Variants in SORCS3 observed in about 807,000 individuals in gnomAD.
SORCS3 encodes sortilin related VPS10 domain containing receptor 3.
In SORCS3, 57 loss-of-function variants were observed where a neutral mutation model predicts 146.3. That is an observed-to-expected ratio of 0.39 (90% CI 0.31 to 0.49). The LOEUF is 0.49. Ranked by LOEUF, SORCS3 falls within the 20% of genes least tolerant of loss-of-function variation. The probability of loss-of-function intolerance (pLI) is 0.92; values close to 1 mark genes in which losing one functional copy is unlikely to be tolerated. For missense variants in SORCS3, 1,341 were observed against 1,575.5 expected (o/e 0.85, Z 2.52); for synonymous variants, 653 against 618.5 (o/e 1.06, Z -0.83).
chr10:104,657,638 C>T (rs1213517384), intron 1 of SORCS3, among the ~76,000 whole-genome samples: 1 of 152,208 alleles, frequency 6.6e-6, no homozygotes, highest in African/African-American at 2.4e-5. Context: ...CCTTCTCACT[C>T]TCCTTCTGGC....
At chr10:105,182,228 A>ATTTTTT (rs1306740780) in intron 14 of SORCS3, among the ~76,000 whole-genome samples, 3 of 69,348 alleles carry the variant, frequency 4.3e-5, no homozygotes, top group Non-Finnish European at 5.8e-5. Context: ...ACTATTCAGC[A>ATTTTTT]TCTTTTTTTT....
chr10:104,913,766 CTTT>C (rs35484660), intron 2 of SORCS3, among the ~76,000 whole-genome samples: 3 of 106,452 alleles, frequency 2.8e-5, no homozygotes, highest in Admixed American at 1.0e-4. Context: ...TATCCCCATT[CTTT>C]TTTTTTTTTT....
At chr10:104,822,513 T>C (rs1054286273) in intron 1 of SORCS3, among the ~76,000 whole-genome samples, 1 of 152,216 alleles carries the variant, frequency 6.6e-6, no homozygotes, top group Non-Finnish European at 1.5e-5. Context: ...GAGAGGGCTC[T>C]TAATCATCCA....
At chr10:105,123,035 AG>A (rs2133766545) in intron 7 of SORCS3, among the ~76,000 whole-genome samples, 1 of 152,380 alleles carries the variant, frequency 6.6e-6, no homozygotes, top group African/African-American at 2.4e-5. Context: ...ATTACATTAA[AG>A]AAGGGCTTCC....
intron 4 of SORCS3, among the ~76,000 whole-genome samples, chr10:105,029,848 AC>A (rs2055252984): frequency 6.6e-6 from 1 of 152,210 alleles, no homozygotes; most frequent in Non-Finnish European, 1.5e-5. Flanking sequence ...AATTACCTGA[AC>A]AGAGTTTCTC....
rs928342351 is a variant in SORCS3 at position 105,057,723 on chromosome 10, G to A, written c.1028+14595G>A. ...TAGCCTGTTTTGTTCTCAAAGAGAT[G>A]CCTAAAATAGATTCTTCAAGCAATT... On this transcript the variant is annotated intron_variant, in intron 5 of 26. Transcript: ENST00000369701. Among the ~76,000 whole-genome samples the A allele has an allele frequency of 2.6e-5, 4 of 152,314 alleles. No homozygotes were observed. In the East Asian group the frequency reaches 5.8e-4, roughly 22 times the overall value.
chr10:104,971,228 G>T (rs938553056), intron 3 of SORCS3, among the ~76,000 whole-genome samples: 2 of 152,202 alleles, frequency 1.3e-5, no homozygotes, highest in African/African-American at 4.8e-5. Context: ...GATTGTTCTG[G>T]CCACGGTGTG....
intron 25 of SORCS3, among the ~76,000 whole-genome samples, chr10:105,261,114 G>T (rs1160480568): frequency 6.6e-6 from 1 of 152,120 alleles, no homozygotes; most frequent in Non-Finnish European, 1.5e-5. Context: ...CCTACATGGG[G>T]CTGTTAGTAT....
At chr10:104,949,532 C>T (rs1290111087) in intron 3 of SORCS3, among the ~76,000 whole-genome samples, 2 of 152,196 alleles carry the variant, frequency 1.3e-5, no homozygotes, top group African/African-American at 4.8e-5. Context: ...TAAGAAATTT[C>T]ATGCCCTCTT....
chr10:104,937,193 G>A (rs985404640), intron 3 of SORCS3, among the ~76,000 whole-genome samples: 1 of 152,266 alleles, frequency 6.6e-6, no homozygotes, highest in African/African-American at 2.4e-5. Flanking sequence ...GACAGGAGGC[G>A]GAGCTCAGGC....
chr10:105,097,125 G>A lies in SORCS3; in HGVS notation c.1093+7286G>A, dbSNP rs145209070. Among the ~76,000 whole-genome samples, 6 of 152,176 alleles carry A rather than the reference G, an allele frequency of 3.9e-5. No homozygotes were observed. In the South Asian group the frequency reaches 8.3e-4, roughly 21 times the overall value. ...TGGCATTGACAATTCTGACTTTGAC[G>A]CTGACTCCAACACTCTGGATCTAAC... On this transcript the variant is annotated intron_variant, in intron 6 of 26. Coordinates refer to ENST00000369701, the MANE Select transcript of SORCS3 (RefSeq NM_014978.3).
intron 22 of SORCS3, among the ~76,000 whole-genome samples, chr10:105,248,425 G>A (rs576138411): frequency 6.6e-6 from 1 of 152,262 alleles, no homozygotes; most frequent in African/African-American, 2.4e-5. Context: ...GTGTTTGAAT[G>A]AGCAGCATGT....
At chr10:105,212,696 T>C (rs1055673632) in intron 17 of SORCS3, among the ~76,000 whole-genome samples, 35 of 152,122 alleles carry the variant, frequency 2.3e-4, no homozygotes, top group Non-Finnish European at 3.8e-4. Flanking sequence ...ATTGTGTAAA[T>C]GTTGGCTTAT....
intron 14 of SORCS3, among the ~76,000 whole-genome samples, chr10:105,193,952 G>A (rs2056530864): frequency 6.6e-6 from 1 of 152,194 alleles, no homozygotes; most frequent in Non-Finnish European, 1.5e-5. Flanking sequence ...TGAATCTTGA[G>A]TGGTTGTCAA....
chr10:104,718,569 A>T (rs1418180279), intron 1 of SORCS3, among the ~76,000 whole-genome samples: 1 of 152,200 alleles, frequency 6.6e-6, no homozygotes, highest in Non-Finnish European at 1.5e-5. Flanking sequence ...GTACAATTAG[A>T]GTCTGAGAAA....
intron 19 of SORCS3, among the ~76,000 whole-genome samples, chr10:105,219,818 G>A (rs1471622557): frequency 6.6e-6 from 1 of 152,190 alleles, no homozygotes; most frequent in Non-Finnish European, 1.5e-5. Context: ...AGTGGGCCTT[G>A]CCTTCAGGGT....
intron 4 of SORCS3, among the ~76,000 whole-genome samples, chr10:105,035,405 CTT>C (rs2055299113): frequency 6.6e-6 from 1 of 151,434 alleles, no homozygotes; most frequent in Non-Finnish European, 1.5e-5. Flanking sequence ...CTTAAGCTAT[CTT>C]TTTAAATTTA....
At chr10:105,107,551 G>A (rs895654341) in intron 7 of SORCS3, among the ~76,000 whole-genome samples, 16 of 151,878 alleles carry the variant, frequency 1.1e-4, no homozygotes, top group Admixed American at 3.9e-4. Flanking sequence ...TTATTATACT[G>A]GAAGCAGACG....
intron 4 of SORCS3, among the ~76,000 whole-genome samples, chr10:104,978,408 C>T (rs57922002): frequency 0.015 from 2,360 of 152,298 alleles, 54 homozygotes; most frequent in African/African-American, 0.054. Flanking sequence ...TATTCAGCTG[C>T]ATACATAGCA....
Sources: gnomAD v4.1 joint callset for allele counts (sites outside exome capture counted in the v4.1 genomes callset) on GRCh38, gnomAD v4.1.1 for gene constraint, MANE v1.5 for transcripts, NCBI Gene and HGNC (gene_info 2026-07-23, HGNC 2026-07-21) for gene names.